The following NCOA2 variants were observed in gnomAD, a reference collection of about 807,000 sequenced individuals.
NCOA2 encodes class E basic helix-loop-helix protein 75.
NCOA2 carries 21 observed loss-of-function variants against 145.1 expected under a neutral mutation model. That is an observed-to-expected ratio of 0.14 (90% confidence interval 0.10 to 0.21). The LOEUF (loss-of-function observed/expected upper bound fraction) is 0.21. Among genes scored for constraint, NCOA2 ranks in the 10% least tolerant of loss-of-function variants. The pLI is 1.00. For missense variants in NCOA2, 1,472 were observed against 1,837.6 expected (o/e 0.80, Z 3.64); for synonymous variants, 619 against 637.5 (o/e 0.97, Z 0.44).
chr8:70,234,309 C>T (rs766506546), intron 2 of NCOA2, among the ~76,000 whole-genome samples: 2 of 152,168 alleles, frequency 1.3e-5, no homozygotes, highest in African/African-American at 2.4e-5. Flanking sequence ...ATGAATAATG[C>T]TATCATGGAC....
At chr8:70,451,191 C>G in the NCOA2 span, among the ~76,000 whole-genome samples, 1 of 120,994 alleles carries the variant, frequency 8.3e-6, no homozygotes, top group Non-Finnish European at 1.6e-5. Context: ...GTGCTCCGGT[C>G]TGGGGGACAG....
At chr8:70,409,490 G>C in the NCOA2 span, among the ~76,000 whole-genome samples, 3 of 152,168 alleles carry the variant, frequency 2.0e-5, no homozygotes, top group African/African-American at 7.2e-5. Flanking sequence ...CTACAACTAG[G>C]TATCAGTTTG....
At chr8:70,362,471 AAAGGTTTTT>A (rs557233870) in intron 1 of NCOA2, among the ~76,000 whole-genome samples, 194 of 152,342 alleles carry the variant, frequency 1.3e-3, no homozygotes, top group African/African-American at 4.5e-3. Context: ...TCAATTAAAA[AAAGGTTTTT>A]TTAACGTGCA....
the NCOA2 span, among the ~76,000 whole-genome samples, chr8:70,435,151 C>T: frequency 6.6e-6 from 1 of 151,982 alleles, no homozygotes; most frequent in Admixed American, 6.6e-5. Context: ...CTCGGCCGGG[C>T]GCGGTGGCTC....
the NCOA2 span, among the ~76,000 whole-genome samples, chr8:70,435,937 T>A: frequency 6.6e-6 from 1 of 152,182 alleles, no homozygotes; most frequent in Admixed American, 6.5e-5. Flanking sequence ...TAGCTAGGAC[T>A]ACAGGTGCGT....
intron 2 of NCOA2, among the ~76,000 whole-genome samples, chr8:70,264,847 T>C (rs1233422706): frequency 6.6e-6 from 1 of 151,876 alleles, no homozygotes; most frequent in Non-Finnish European, 1.5e-5. Flanking sequence ...AAAAAACCCA[T>C]AATGTTATAG....
chr8:70,110,352 A>T lies in NCOA2; in HGVS notation c.*3280T>A, dbSNP rs749169044. ...AAACAGATCTAAGGCATTATGCTAGATTTTAGCATTTTGAGGTTCTTGCAC... is the reference window on the plus strand; with the variant it reads ...AAACAGATCTAAGGCATTATGCTAGTTTTTAGCATTTTGAGGTTCTTGCAC... On this transcript the variant is annotated 3_prime_UTR_variant, in exon 23 of 23. Coordinates refer to ENST00000452400, the MANE Select transcript of NCOA2 (RefSeq NM_006540.4). 5.1e-6 allele frequency: 1 copy of T among 195,008 alleles called. No individual in the cohort carries two copies. Among genetic ancestry groups the T allele is most frequent in the Non-Finnish European group, 1.1e-5 (1 of 93,896 alleles). The allele number at this position is 195,008 out of a possible 1,614,324, so 12.1% of individuals were successfully genotyped here. A position where few individuals can be genotyped will look rare whatever the true frequency, so the allele number is the denominator to read the frequency against.
At chr8:70,257,203 C>A (rs898065021) in intron 2 of NCOA2, among the ~76,000 whole-genome samples, 6 of 152,158 alleles carry the variant, frequency 3.9e-5, no homozygotes, top group Non-Finnish European at 5.9e-5. Flanking sequence ...CCTTCTGATG[C>A]TGCTATAAAT....
chr8:70,353,878 C>T (rs977619010), intron 1 of NCOA2, among the ~76,000 whole-genome samples: 3 of 152,144 alleles, frequency 2.0e-5, no homozygotes, highest in Non-Finnish European at 2.9e-5. Flanking sequence ...CTTATAAATA[C>T]ACTGACCCTT....
chr8:70,403,660 C>T, intron 1 of NCOA2, 40 bp downstream of exon 1: 1 of 369,818 alleles, frequency 2.7e-6, no homozygotes. Flanking sequence ...GCCGCCCGCC[C>T]CCCGCCCGCC....
intron 7 of NCOA2, among the ~76,000 whole-genome samples, chr8:70,165,578 T>TCAGCTGTGTGG (rs1468155969): frequency 6.6e-6 from 1 of 152,196 alleles, no homozygotes; most frequent in Non-Finnish European, 1.5e-5. Context: ...AGAGTGACAC[T>TCAGCTGTGTGG]CAGCTGTGTG....
chr8:70,111,487 C>T lies in NCOA2; in HGVS notation c.*2145G>A, dbSNP rs901231401. 4.6e-6 allele frequency: 1 copy of T among 218,754 alleles called. No individual in the cohort carries two copies. Among genetic ancestry groups the T allele is most frequent in the African/African-American group, 2.2e-5 (1 of 44,468 alleles). 13.6% of individuals were successfully genotyped at this position (218,754 alleles called of 1,614,324 possible). On this transcript the variant is annotated 3_prime_UTR_variant, in exon 23 of 23. Coordinates refer to ENST00000452400, the MANE Select transcript of NCOA2 (RefSeq NM_006540.4). ...CAACATCTGCTTGTTTTTTCCATCA[C>T]AGTTGGGCAACCCAATGGTTTGGTG...
the NCOA2 span, among the ~76,000 whole-genome samples, chr8:70,456,314 CAAAG>C: frequency 6.6e-6 from 1 of 152,068 alleles, no homozygotes; most frequent in African/African-American, 2.4e-5. Context: ...GGAAAGAGAA[CAAAG>C]AGAGAGGACT....
intron 22 of NCOA2, among the ~76,000 whole-genome samples, chr8:70,115,796 A>G (rs1467650788): frequency 6.6e-6 from 1 of 152,182 alleles, no homozygotes; most frequent in Admixed American, 6.5e-5. Flanking sequence ...CTCTAAATAT[A>G]TATTTTTGGT....
intron 2 of NCOA2, among the ~76,000 whole-genome samples, chr8:70,265,329 G>A (rs1392787107): frequency 1.3e-5 from 2 of 152,150 alleles, no homozygotes; most frequent in Admixed American, 1.3e-4. Flanking sequence ...ATCCATGCTG[G>A]CACCATGATC....
intron 22 of NCOA2, among the ~76,000 whole-genome samples, chr8:70,114,531 G>A (rs953524042): frequency 6.6e-6 from 1 of 152,184 alleles, no homozygotes; most frequent in African/African-American, 2.4e-5. Context: ...TCTATTACAT[G>A]CTAGGTGCTG....
At chr8:70,135,731 G>A (rs955994906) in intron 15 of NCOA2, among the ~76,000 whole-genome samples, 3 of 152,046 alleles carry the variant, frequency 2.0e-5, no homozygotes, top group East Asian at 3.8e-4. Flanking sequence ...ATATTAAGAC[G>A]AGAATAGAAT....
At chr8:70,165,629 A>G (rs921017481) in intron 7 of NCOA2, among the ~76,000 whole-genome samples, 2 of 152,190 alleles carry the variant, frequency 1.3e-5, no homozygotes, top group African/African-American at 2.4e-5. Context: ...ATGCTACATC[A>G]GCACATCTTT....
At chr8:70,374,963 T>C (rs1210477270) in intron 1 of NCOA2, among the ~76,000 whole-genome samples, 1 of 151,708 alleles carries the variant, frequency 6.6e-6, no homozygotes, top group African/African-American at 2.4e-5. Context: ...TTATATATAA[T>C]AAATCTACAG....
Sources: gnomAD v4.1 joint callset for allele counts (sites outside exome capture counted in the v4.1 genomes callset) on GRCh38, gnomAD v4.1.1 for gene constraint, MANE v1.5 for transcripts, NCBI Gene and HGNC (gene_info 2026-07-23, HGNC 2026-07-21) for gene names.